SPTBN4: variants seen among roughly 807,000 people sequenced by gnomAD.
SPTBN4 encodes spectrin beta chain, non-erythrocytic 4.
SPTBN4 carries 96 observed loss-of-function variants against 277.8 expected under a neutral mutation model. The observed-to-expected ratio is 0.35, with a 90% CI of 0.29 to 0.41. SPTBN4 has a LOEUF of 0.41. Among genes scored for constraint, SPTBN4 ranks in the 10% least tolerant of loss-of-function variants. The probability of loss-of-function intolerance (pLI) is 1.00; values close to 1 mark genes in which losing one functional copy is unlikely to be tolerated. For synonymous variants in SPTBN4, 1,481 were observed against 1,580.3 expected (o/e 0.94, Z 1.49); for missense variants, 3,006 against 3,595.7 (o/e 0.84, Z 4.19).
intron 12 of SPTBN4, among the ~76,000 whole-genome samples, chr19:40,505,266 T>C (rs1245125470): frequency 1.3e-5 from 2 of 149,688 alleles, no homozygotes; most frequent in Non-Finnish European, 3.0e-5. Context: ...TGGTGTGCGC[T>C]TGTAGTCCCA....
Position 40,502,455 on chromosome 19 carries a change from A to G in SPTBN4, c.1151A>G (p.Asn384Ser), listed in dbSNP as rs755430658. ...FSIQSKLRAC[N>S]RRLFVPREGC... The stretch of plus-strand genomic sequence containing the variant: ...ATCCAGAGCAAACTGCGTGCCTGCA[A>G]CCGTCGCCTCTTTGTGCCTCGGGAG... The change falls in exon 10 of 36, where the codon AAC (asparagine) becomes AGC (serine). Residue 384 changes from asparagine (N) to serine (S), a missense_variant. Physicochemically the swap from Asn to Ser is conservative, Grantham distance 46. This residue lies in a region of SPTBN4 where 1,759 missense variants were observed against 2,061.5 expected (regional missense o/e 0.85). Transcript: ENST00000598249. The surrounding 1 kb of genome is among the most constrained non-coding windows in gnomAD (Gnocchi z 4.9). 2 of 1,613,676 alleles carry G rather than the reference A, an allele frequency of 1.2e-6. No homozygotes were observed. The highest frequency in any genetic ancestry group is 1.7e-6 in the Non-Finnish European group (2 of 1,179,984).
chr19:40,563,292 G>A (rs374851049), intron 27 of SPTBN4, among the ~76,000 whole-genome samples: 1 of 152,046 alleles, frequency 6.6e-6, no homozygotes, highest in Non-Finnish European at 1.5e-5. Context: ...GCTAAGCCAG[G>A]ATGATCACTT....
At chr19:40,510,436 C>T (rs2145861041) in intron 13 of SPTBN4, among the ~76,000 whole-genome samples, 1 of 152,218 alleles carries the variant, frequency 6.6e-6, no homozygotes. Context: ...TCCCGAGTAG[C>T]TGAGACTACA....
intron 2 of SPTBN4, among the ~76,000 whole-genome samples, chr19:40,482,825 G>A (rs915639843): frequency 1.3e-5 from 2 of 151,978 alleles, no homozygotes; most frequent in African/African-American, 4.8e-5. Flanking sequence ...GCCGGGCCTC[G>A]TGGCGCATGC....
chr19:40,570,249 A>T (rs1231006578), intron 32 of SPTBN4, among the ~76,000 whole-genome samples, 187 bp from the exon 33 acceptor site: 1 of 151,444 alleles, frequency 6.6e-6, no homozygotes, highest in Non-Finnish European at 1.5e-5. Context: ...ATGAGTCCTA[A>T]CAGACTCACT....
Position 40,502,645 on chromosome 19 carries a change from C to A in SPTBN4, c.1204-130C>A. On this transcript the variant is annotated intron_variant, in intron 10 of 35. Transcript: ENST00000598249. The surrounding 1 kb of genome is among the most constrained non-coding windows in gnomAD (Gnocchi z 4.9). ...TGACAGTTTTTCAGTAGTAAAGTGT[C>A]ATAAGGAAGCAATATTTTTTCCAAT... 1 of 1,463,816 alleles carries A rather than the reference C, an allele frequency of 6.8e-7. No individual in the cohort carries two copies. The highest frequency in any genetic ancestry group is 9.2e-7 in the Non-Finnish European group (1 of 1,084,416). The allele number at this position is 1,463,816 out of a possible 1,614,324, so 90.7% of individuals were successfully genotyped here.
intron 26 of SPTBN4, 99 bp downstream of exon 26, chr19:40,557,502 C>G: frequency 7.1e-7 from 1 of 1,402,932 alleles, no homozygotes; most frequent in African/African-American, 1.4e-5. Context: ...CGAAATTAGG[C>G]AGTGGCACAG....
At chr19:40,484,204 C>T (rs909952812) in intron 2 of SPTBN4, among the ~76,000 whole-genome samples, 40 of 151,944 alleles carry the variant, frequency 2.6e-4, no homozygotes, top group Admixed American at 2.6e-3. Context: ...TAACCATCAC[C>T]CCTTCCCTTA....
rs1159075684 is a variant in SPTBN4 at position 40,568,069 on chromosome 19, G to A, written c.6743G>A (p.Arg2248Gln). 6 of 1,560,258 alleles carry A rather than the reference G, an allele frequency of 3.8e-6. No individual in the cohort carries two copies. In the South Asian group the frequency reaches 7.1e-5, roughly 18 times the overall value. Residue 2248 changes from arginine to glutamine, a missense_variant, in exon 31 of 36, where the codon CGG (arginine) becomes CAG (glutamine). By Grantham distance (43) the Arg-to-Gln change is conservative. Around this residue, in one of 5 missense-constraint regions of SPTBN4, gnomAD observed 630 missense variants for 677.6 expected, o/e 0.93. Transcript: ENST00000598249. ...GCGGAGGAGCTGCCCAGGAGGCGGC[G>A]GCCTGAGCGGCAAGAGTCAGTCGAT... ...DRAEELPRRR[R>Q]PERQESVDQS...
chr19:40,544,860 C>T (rs1484695372), intron 20 of SPTBN4, among the ~76,000 whole-genome samples: 1 of 151,742 alleles, frequency 6.6e-6, no homozygotes, highest in East Asian at 1.9e-4. Context: ...GGGGGTCTAG[C>T]TGTGTTGCCC....
At chr19:40,521,375 A>G (rs1051023037) in intron 16 of SPTBN4, among the ~76,000 whole-genome samples, 1 of 152,234 alleles carries the variant, frequency 6.6e-6, no homozygotes, top group Non-Finnish European at 1.5e-5. Context: ...TATAACATAT[A>G]ATGAAATAAT....
At position 40,502,549 on chromosome 19, in the gene SPTBN4, G is replaced by T. The variant is rs1158526347; in HGVS notation, c.1203+42G>T. 6.4e-7 allele frequency: 1 copy of T among 1,558,944 alleles called. No homozygotes were observed. On this transcript the variant is annotated intron_variant, in intron 10 of 35. Transcript: ENST00000598249. This position sits in a 1 kb window ranked among gnomAD's most constrained non-coding sequence, Gnocchi z 4.9. ...AGGGGAGAGGCGGGGTTGCACTGTG[G>T]AGTTGTATAGGTTGCACACTGCTCA...
chr19:40,494,788 C>T (rs938786370), intron 5 of SPTBN4, 109 bp from the exon 6 acceptor site: 2 of 920,466 alleles, frequency 2.2e-6, no homozygotes, highest in Non-Finnish European at 3.4e-6. Flanking sequence ...GTTCTACCCC[C>T]TCTCTCTCAT....
At chr19:40,523,063 G>A (rs1386110243) in intron 16 of SPTBN4, among the ~76,000 whole-genome samples, 1 of 152,206 alleles carries the variant, frequency 6.6e-6, no homozygotes, top group Non-Finnish European at 1.5e-5. Context: ...GAACCCAGGA[G>A]GTGGAGGTTG....
intron 20 of SPTBN4, among the ~76,000 whole-genome samples, chr19:40,543,860 A>G (rs1298103652): frequency 6.6e-6 from 1 of 152,154 alleles, no homozygotes; most frequent in Non-Finnish European, 1.5e-5. Context: ...TGGATGTTTA[A>G]TGTTTTTATA....
chr19:40,477,006 A>G (rs2079956336), intron 2 of SPTBN4, among the ~76,000 whole-genome samples: 1 of 151,214 alleles, frequency 6.6e-6, no homozygotes, highest in Admixed American at 6.6e-5. Context: ...GATGTGTACC[A>G]CCACTCCCAG....
Position 40,492,969 on chromosome 19 carries a change from G to C in SPTBN4, c.502G>C (p.Val168Leu), listed in dbSNP as rs1197651342. The change falls in exon 5 of 36, where the codon GTC becomes CTC. Residue 168 changes from valine (V) to leucine (L), a missense_variant. Around this residue, in one of 5 missense-constraint regions of SPTBN4, gnomAD observed 114 missense variants for 196.1 expected, o/e 0.58. Coordinates refer to ENST00000598249, the MANE Select transcript of SPTBN4 (RefSeq NM_020971.3). ...WTIILRFQIQ[V>L]IKIETEDNRE... The stretch of plus-strand genomic sequence containing the variant: ...ATTTTTTGTATCTTCACAGATTCAA[G>C]TCATCAAAATTGAGACTGAGGACAA... The C allele has an allele frequency of 4.3e-6, 7 of 1,613,986 alleles. No homozygotes were observed. Among genetic ancestry groups the C allele is most frequent in the Non-Finnish European group, 5.9e-6 (7 of 1,179,922 alleles).
intron 20 of SPTBN4, among the ~76,000 whole-genome samples, chr19:40,535,670 C>T (rs773590478): frequency 2.0e-5 from 3 of 152,086 alleles, no homozygotes; most frequent in Non-Finnish European, 2.9e-5. Context: ...TGGTGGCTCA[C>T]GCCTGTAACC....
intron 25 of SPTBN4, 24 bp from the exon 26 acceptor site, chr19:40,556,999 C>G (rs745601593): frequency 1.3e-5 from 20 of 1,490,106 alleles, no homozygotes; most frequent in East Asian, 1.2e-4. Context: ...TTGCTGTACC[C>G]CCCCCCCCAC....
Sources: gnomAD v4.1 joint callset for allele counts (sites outside exome capture counted in the v4.1 genomes callset) on GRCh38, gnomAD v4.1.1 for gene constraint, gnomAD v4.1.1 regional missense constraint, Gnocchi (gnomAD v3.1) non-coding constraint, MANE v1.5 for transcripts, NCBI Gene and HGNC (gene_info 2026-07-23, HGNC 2026-07-21) for gene names.